Variants in SV2B observed in about 807,000 individuals in gnomAD.
SV2B encodes the protein solute carrier family 22 member B2.
A neutral mutation model predicts 73.9 loss-of-function variants in SV2B; 41 were observed. The observed-to-expected ratio is 0.56, with a 90% confidence interval of 0.43 to 0.72. SV2B has a LOEUF of 0.72. Ranked by LOEUF, SV2B falls within the 30% of genes least tolerant of loss-of-function variation. The probability of loss-of-function intolerance (pLI) is 0.00; values close to 1 mark genes in which losing one functional copy is unlikely to be tolerated. For missense variants in SV2B, 764 were observed against 857.8 expected, an observed-to-expected ratio of 0.89 and a Z score of 1.37; for synonymous variants, 314 against 314.2, an observed-to-expected ratio of 1.00 and a Z score of 0.01.
chr15:91,269,611 G>A (rs543548626), intron 9 of SV2B, among the ~76,000 whole-genome samples: 1 of 152,272 alleles, frequency 6.6e-6, no homozygotes, highest in South Asian at 2.1e-4. Context: ...TACCTGTAGT[G>A]ACTCCTGGCC....
At chr15:91,126,330 C>T (rs930250300) in intron 1 of SV2B, among the ~76,000 whole-genome samples, 3 of 152,308 alleles carry the variant, frequency 2.0e-5, no homozygotes, top group African/African-American at 4.8e-5. Flanking sequence ...CTGTGTTGGT[C>T]TGATAGGAGG....
At chr15:91,250,142 A>T (rs1567392575) in intron 2 of SV2B, among the ~76,000 whole-genome samples, 1 of 152,244 alleles carries the variant, frequency 6.6e-6, no homozygotes, top group Non-Finnish European at 1.5e-5. Context: ...TAAATTCGAC[A>T]GCACATTAAA....
rs577790393 is a variant in SV2B at position 91,258,252 on chromosome 15, G to A, written c.785-169G>A. Reference sequence around the variant, plus strand: ...TGTCAAGATGCAGCTCCTATCCCAGGCTTATGACTCAGAAGCTTCGGAGGC... The same window carrying A: ...TGTCAAGATGCAGCTCCTATCCCAGACTTATGACTCAGAAGCTTCGGAGGC... On this transcript the variant is annotated intron_variant, in intron 4 of 12. Transcript: ENST00000394232. This position sits in a 1 kb window ranked among gnomAD's most constrained non-coding sequence, Gnocchi z 4.7. Among the ~76,000 whole-genome samples, 2 of 152,254 alleles carry A rather than the reference G, an allele frequency of 1.3e-5. No homozygotes were observed. The highest frequency in any genetic ancestry group is 2.1e-4 in the South Asian group (1 of 4,826).
At chr15:91,228,577 C>T (rs548214304) in intron 2 of SV2B, among the ~76,000 whole-genome samples, 1 of 152,320 alleles carries the variant, frequency 6.6e-6, no homozygotes, top group South Asian at 2.1e-4. Flanking sequence ...GTCTCTCTGG[C>T]ACCGTGGTGC....
At chr15:91,157,821 C>T (rs1316146793) in intron 1 of SV2B, among the ~76,000 whole-genome samples, 2 of 152,166 alleles carry the variant, frequency 1.3e-5, no homozygotes, top group African/African-American at 2.4e-5. Flanking sequence ...CAGTGTCTTC[C>T]ACCACCTGAG....
chr15:91,147,363 G>C (rs1267633979), intron 1 of SV2B, among the ~76,000 whole-genome samples: 1 of 152,168 alleles, frequency 6.6e-6, no homozygotes, highest in Non-Finnish European at 1.5e-5. Context: ...AGAGATGCTG[G>C]TGTTCCAGCT....
At chr15:91,217,623 TA>T (rs2046079308) in intron 1 of SV2B, among the ~76,000 whole-genome samples, 1 of 151,820 alleles carries the variant, frequency 6.6e-6, no homozygotes, top group Non-Finnish European at 1.5e-5. Context: ...AATCAGCTTG[TA>T]AATGTTGCTC....
chr15:91,136,029 G>T lies in SV2B; in HGVS notation c.-392+35666G>T, dbSNP rs1213773868. Among the ~76,000 whole-genome samples the T allele has an allele frequency of 1.3e-5, 2 of 151,622 alleles. No individual in the cohort carries two copies. Among genetic ancestry groups the T allele is most frequent in the African/African-American group, 2.4e-5 (1 of 41,238 alleles). On this transcript the variant is annotated intron_variant, in intron 1 of 12. Coordinates refer to ENST00000394232, the MANE Select transcript of SV2B (RefSeq NM_001323032.3). This position sits in a 1 kb window ranked among gnomAD's most constrained non-coding sequence, Gnocchi z 5.6. ...ACACACACACTTGATTTTTTTTTTG[G>T]CATGTGTAGATATGAAAATAATATA...
intron 1 of SV2B, among the ~76,000 whole-genome samples, chr15:91,172,199 C>T (rs1417673406): frequency 6.6e-6 from 1 of 152,224 alleles, no homozygotes; most frequent in Non-Finnish European, 1.5e-5. Context: ...CCTATCTTTC[C>T]AGCCTCTTCT....
At chr15:91,209,114 GTTTTTTTTTTT>G (rs903531189) in intron 1 of SV2B, among the ~76,000 whole-genome samples, 5 of 89,988 alleles carry the variant, frequency 5.6e-5, no homozygotes, top group South Asian at 3.5e-4. Flanking sequence ...ACTGTTTTTT[GTTTTTTTTTTT>G]TTTTTTTTTT....
intron 4 of SV2B, among the ~76,000 whole-genome samples, chr15:91,257,426 C>T (rs547435357): frequency 3.5e-4 from 53 of 152,286 alleles, no homozygotes; most frequent in African/African-American, 1.3e-3. Flanking sequence ...AAGTTTGCTA[C>T]CCATGAGGAT....
chr15:91,258,617 T>C lies in SV2B; in HGVS notation c.918+63T>C, dbSNP rs1164849853. 1.2e-6 allele frequency: 2 copies of C among 1,606,290 alleles called. No homozygotes were observed. The highest frequency in any genetic ancestry group is 2.7e-5 in the African/African-American group (2 of 74,750). On this transcript the variant is annotated intron_variant, in intron 5 of 12. Coordinates refer to ENST00000394232, the MANE Select transcript of SV2B (RefSeq NM_001323032.3). The surrounding 1 kb of genome is among the most constrained non-coding windows in gnomAD (Gnocchi z 4.7). ...AACAGCCACAGGAACCCAGCCTCGC[T>C]TCCTTCTCTCAGCTCCTAGTCCCAC...
At chr15:91,152,359 A>G (rs1438166292) in intron 1 of SV2B, among the ~76,000 whole-genome samples, 1 of 152,146 alleles carries the variant, frequency 6.6e-6, no homozygotes, top group African/African-American at 2.4e-5. Flanking sequence ...CTTTGCTGAT[A>G]TCGCAGCTGG....
chr15:91,146,475 G>A (rs1236202070), intron 1 of SV2B, among the ~76,000 whole-genome samples: 1 of 152,086 alleles, frequency 6.6e-6, no homozygotes, highest in African/African-American at 2.4e-5. Context: ...TTCGAGTTTT[G>A]TGAAGAATGT....
rs60723483 is a variant in SV2B, at chr15:91,253,582, C to T, written c.784+1062C>T. 5.1e-3 allele frequency among the ~76,000 whole-genome samples: 782 copies of T among 152,294 alleles called. 6 individuals are homozygous for T. The highest frequency in any genetic ancestry group is 0.018 in the African/African-American group (734 of 41,560). ...GAAAGCTTCTCCCTTATGTGAGGTC[C>T]GGCTGGCATTTCTAATCTGCAGGTG... On this transcript the variant is annotated intron_variant, in intron 4 of 12. Coordinates refer to ENST00000394232, the MANE Select transcript of SV2B (RefSeq NM_001323032.3). This position sits in a 1 kb window ranked among gnomAD's most constrained non-coding sequence, Gnocchi z 5.0.
At chr15:91,262,231 G>T (rs2047933764) in intron 6 of SV2B, among the ~76,000 whole-genome samples, 1 of 152,084 alleles carries the variant, frequency 6.6e-6, no homozygotes, top group African/African-American at 2.4e-5. Flanking sequence ...TGTGGCTATT[G>T]TAAGGATTAA....
chr15:91,228,105 A>G (rs945523089), intron 2 of SV2B, among the ~76,000 whole-genome samples: 1 of 152,236 alleles, frequency 6.6e-6, no homozygotes, highest in Non-Finnish European at 1.5e-5. Context: ...GATATAAAAT[A>G]AAGAACCTCT....
At chr15:91,257,678 G>A (rs2047747204) in intron 4 of SV2B, among the ~76,000 whole-genome samples, 2 of 152,154 alleles carry the variant, frequency 1.3e-5, no homozygotes, top group Admixed American at 6.5e-5. Flanking sequence ...GCCCTTTGAC[G>A]TTGGAAAGAG....
Position 91,281,767 on chromosome 15 carries a change from C to T in SV2B, c.1413C>T (p.Asp471=), listed in dbSNP as rs2048688818. Residue 471 remains aspartate (D), a synonymous_variant, in exon 10 of 13, where the codon GAC becomes GAT. Coordinates refer to ENST00000394232, the MANE Select transcript of SV2B (RefSeq NM_001323032.3). This position sits in a 1 kb window ranked among gnomAD's most constrained non-coding sequence, Gnocchi z 4.7. The part of the protein sequence containing the change: ...RMYFKHVLFE[D]TFFDECYFED... The stretch of plus-strand genomic sequence containing the variant: ...ACTTTAAACATGTACTCTTTGAGGA[C>T]ACATTCTTTGACGAGTGCTATTTTG... The T allele has an allele frequency of 2.5e-6, 4 of 1,612,912 alleles. No homozygotes were observed. Among genetic ancestry groups the T allele is most frequent in the Non-Finnish European group, 3.4e-6 (4 of 1,179,252 alleles).
Sources: gnomAD v4.1 joint callset for allele counts (sites outside exome capture counted in the v4.1 genomes callset) on GRCh38, gnomAD v4.1.1 for gene constraint, Gnocchi (gnomAD v3.1) non-coding constraint, MANE v1.5 for transcripts, NCBI Gene and HGNC (gene_info 2026-07-23, HGNC 2026-07-21) for gene names.